PUDP: variants seen among roughly 807,000 people sequenced by gnomAD.
The protein encoded by PUDP is pseudouridine 5'-phosphatase.
PUDP carries 8 observed loss-of-function variants against 9.4 expected under a neutral mutation model. That is an observed-to-expected ratio of 0.85 (90% CI 0.50 to 1.53). The LOEUF (loss-of-function observed/expected upper bound fraction) is 1.53, where lower values mean the gene tolerates loss of function less well. Among genes scored for constraint, PUDP ranks in the 40% most tolerant of loss-of-function variants. The pLI is 0.00. For missense variants in PUDP, 188 were observed against 189.7 expected, an observed-to-expected ratio of 0.99 and a Z score of 0.05; for synonymous variants, 99 against 80.7, an observed-to-expected ratio of 1.23 and a Z score of -1.22.
intron 3 of PUDP, among the ~76,000 whole-genome samples, chrX:6,817,748 G>T: frequency 9.0e-6 from 1 of 111,248 alleles, no homozygotes; most frequent in Admixed American, 9.6e-5. Flanking sequence ...CTCTCCAGCA[G>T]GAAGCCCAGG....
At chrX:6,713,978 A>T (rs751080548) in intron 1 of PUDP, among the ~76,000 whole-genome samples, 1 of 111,098 alleles carries the variant, frequency 9.0e-6, no homozygotes, top group East Asian at 2.8e-4. Context: ...CTGCAGTCTC[A>T]ACCTCCTGTG....
At chrX:6,807,910 T>C (rs1009024309) in intron 3 of PUDP, among the ~76,000 whole-genome samples, 1 of 112,154 alleles carries the variant, frequency 8.9e-6, no homozygotes, top group African/African-American at 3.2e-5. Context: ...TCAACGAGGA[T>C]AGACAAGTGA....
intron 1 of PUDP, among the ~76,000 whole-genome samples, chrX:7,000,238 T>C (rs1170612751): frequency 2.7e-5 from 3 of 111,645 alleles, no homozygotes; most frequent in African/African-American, 9.7e-5. Context: ...TTGACAGCTC[T>C]ACACCAACAA....
intron 1 of PUDP, among the ~76,000 whole-genome samples, chrX:7,017,489 T>C (rs1035878658): frequency 1.8e-5 from 2 of 112,599 alleles, no homozygotes; most frequent in Non-Finnish European, 3.7e-5. Context: ...CCAGTTGCAA[T>C]CTTGCTTTCA....
At chrX:6,924,063 C>T (rs1420770021) in intron 3 of PUDP, among the ~76,000 whole-genome samples, 1 of 111,172 alleles carries the variant, frequency 9.0e-6, no homozygotes, top group Non-Finnish European at 1.9e-5. Flanking sequence ...CCTGCAAAGT[C>T]ACCATCTAAG....
intron 3 of PUDP, among the ~76,000 whole-genome samples, chrX:6,783,212 C>A (rs187342545): frequency 2.9e-3 from 329 of 112,145 alleles, no homozygotes; most frequent in Non-Finnish European, 5.0e-3. Context: ...TTGATTCTTG[C>A]AGAATGTAGT....
Position 7,135,047 on chromosome X carries a change from C to A in PUDP, c.61+13006G>T, listed in dbSNP as rs1325751432. 2.7e-5 allele frequency among the ~76,000 whole-genome samples: 3 copies of A among 111,850 alleles called. No homozygotes were observed. The East Asian group carries it at 8.4e-4, about 31-fold the overall frequency. ...GGGAATGGCAGGGATACAACTGGGT[C>A]CAAGAGAACATACATGAGATGTGGG... On this transcript the variant is annotated intron_variant, in intron 1 of 3. Coordinates refer to ENST00000381077, the MANE Select transcript of PUDP (RefSeq NM_012080.5).
At chrX:7,091,401 T>C (rs898958797) in intron 2 of PUDP, among the ~76,000 whole-genome samples, 4 of 111,954 alleles carry the variant, frequency 3.6e-5, no homozygotes, top group Admixed American at 2.8e-4. Context: ...TGCAGAGGCA[T>C]GATCTCAGCT....
chrX:6,930,765 C>A, intron 3 of PUDP, among the ~76,000 whole-genome samples: 1 of 110,934 alleles, frequency 9.0e-6, no homozygotes, highest in African/African-American at 3.3e-5. Flanking sequence ...AGAACCTTCT[C>A]TTGGGGTCTG....
intron 3 of PUDP, among the ~76,000 whole-genome samples, chrX:6,777,673 C>T (rs1434030272): frequency 8.9e-6 from 1 of 111,737 alleles, no homozygotes. Flanking sequence ...CAGAGCTTGC[C>T]TCAAATCCTT....
intron 3 of PUDP, among the ~76,000 whole-genome samples, chrX:6,951,783 A>C (rs1031805749): frequency 8.9e-6 from 1 of 112,214 alleles, no homozygotes. Flanking sequence ...TTGGTTGCAG[A>C]ACACTCTGAA....
chrX:6,866,631 G>T (rs1343718136), intron 3 of PUDP, among the ~76,000 whole-genome samples: 1 of 111,369 alleles, frequency 9.0e-6, no homozygotes, highest in African/African-American at 3.3e-5. Flanking sequence ...CACTGCTGGT[G>T]CTGCCTCTAC....
At chrX:6,985,118 G>A (rs1166043811) in intron 1 of PUDP, among the ~76,000 whole-genome samples, 1 of 111,738 alleles carries the variant, frequency 8.9e-6, no homozygotes, top group Non-Finnish European at 1.9e-5. Flanking sequence ...CAGATGAACT[G>A]GGAAAGAAGG....
chrX:6,927,964 C>CTTT (rs34707742), intron 3 of PUDP, among the ~76,000 whole-genome samples: 2,781 of 93,686 alleles, frequency 0.03, 119 homozygotes, highest in African/African-American at 0.1. Context: ...GTGGTCTTCT[C>CTTT]TTTTTTTTTT....
chrX:7,130,113 G>A (rs1286587992), intron 1 of PUDP, among the ~76,000 whole-genome samples: 1 of 111,567 alleles, frequency 9.0e-6, no homozygotes, highest in Non-Finnish European at 1.9e-5. Flanking sequence ...CCAGGAAGGA[G>A]GACTGGGCCC....
At chrX:7,111,169 CTG>C (rs766817505) in intron 1 of PUDP, among the ~76,000 whole-genome samples, 20 of 111,716 alleles carry the variant, frequency 1.8e-4, no homozygotes, top group African/African-American at 4.9e-4. Flanking sequence ...TCTGCCATGA[CTG>C]TAAGTTTCCC....
At chrX:6,797,886 T>C (rs759116963) in intron 3 of PUDP, among the ~76,000 whole-genome samples, 3 of 112,281 alleles carry the variant, frequency 2.7e-5, no homozygotes, top group African/African-American at 9.7e-5. Context: ...AAGATGAAAT[T>C]ATGATGATGA....
intron 1 of PUDP, among the ~76,000 whole-genome samples, chrX:6,982,348 C>T (rs1929047472): frequency 9.0e-6 from 1 of 111,482 alleles, no homozygotes; most frequent in East Asian, 2.8e-4. Context: ...TCAATATCCC[C>T]GAAGGCTTGG....
At chrX:6,758,897 T>G (rs1446081086) in intron 3 of PUDP, among the ~76,000 whole-genome samples, 1 of 111,911 alleles carries the variant, frequency 8.9e-6, no homozygotes, top group Non-Finnish European at 1.9e-5. Flanking sequence ...ATAAAATTGC[T>G]GCACATGTAG....
Sources: gnomAD v4.1 joint callset for allele counts (sites outside exome capture counted in the v4.1 genomes callset) on GRCh38, gnomAD v4.1.1 for gene constraint, MANE v1.5 for transcripts, NCBI Gene and HGNC (gene_info 2026-07-23, HGNC 2026-07-21) for gene names.